The following SNTG1 variants were observed in gnomAD, a reference collection of about 807,000 sequenced individuals.
SNTG1 encodes syntrophin gamma 1.
A neutral mutation model predicts 74.7 loss-of-function variants in SNTG1; 39 were observed. The observed-to-expected ratio is 0.52, with a 90% confidence interval of 0.40 to 0.68. The LOEUF (loss-of-function observed/expected upper bound fraction) is 0.68. Among genes scored for constraint, SNTG1 ranks in the 30% least tolerant of loss-of-function variants. SNTG1 has a pLI of 0.00. For synonymous variants in SNTG1, 254 were observed against 217.1 expected (o/e 1.17, Z -1.49); for missense variants, 685 against 609.5 (o/e 1.12, Z -1.30).
At chr8:50,373,968 C>G (rs532751987) in intron 2 of SNTG1, among the ~76,000 whole-genome samples, 1 of 152,100 alleles carries the variant, frequency 6.6e-6, no homozygotes, top group Admixed American at 6.5e-5. Flanking sequence ...GATTCTAGTC[C>G]TGGGATCTCT....
intron 18 of SNTG1, among the ~76,000 whole-genome samples, chr8:50,752,919 T>C (rs142753667): frequency 1.3e-5 from 2 of 152,116 alleles, no homozygotes; most frequent in African/African-American, 2.4e-5. Context: ...TTTGTCTGAG[T>C]ATCTCTCGAG....
chr8:50,489,461 C>T (rs140442024), intron 8 of SNTG1, among the ~76,000 whole-genome samples: 11,565 of 152,198 alleles, frequency 0.076, 936 homozygotes, highest in African/African-American at 0.21. Flanking sequence ...TTTTAATGAT[C>T]GCCATTCTAA....
At chr8:50,603,503 C>A (rs143108401) in intron 13 of SNTG1, among the ~76,000 whole-genome samples, 107 of 152,224 alleles carry the variant, frequency 7.0e-4, no homozygotes, top group African/African-American at 2.3e-3. Context: ...TTCTCCAGGA[C>A]TTGTCCTTAG....
At chr8:50,258,237 T>C (rs2086978992) in intron 2 of SNTG1, among the ~76,000 whole-genome samples, 1 of 152,244 alleles carries the variant, frequency 6.6e-6, no homozygotes, top group African/African-American at 2.4e-5. Flanking sequence ...AGGATGCTAA[T>C]ACTGTATATT....
At chr8:50,222,749 T>G (rs1211614969) in intron 2 of SNTG1, among the ~76,000 whole-genome samples, 1 of 152,154 alleles carries the variant, frequency 6.6e-6, no homozygotes, top group African/African-American at 2.4e-5. Context: ...GGATTGCTTC[T>G]CAGCCTCACA....
At chr8:50,743,117 A>T (rs74735595) in intron 17 of SNTG1, among the ~76,000 whole-genome samples, 9 of 148,918 alleles carry the variant, frequency 6.0e-5, no homozygotes, top group Non-Finnish European at 1.3e-4. Context: ...AAAAAAAAAA[A>T]TTGAAGGAGT....
chr8:50,579,570 G>A (rs1414824259), intron 12 of SNTG1, among the ~76,000 whole-genome samples: 1 of 152,134 alleles, frequency 6.6e-6, no homozygotes, highest in African/African-American at 2.4e-5. Context: ...AGGCCCCCCT[G>A]CTATGTGCAT....
At chr8:49,949,013 A>C (rs1294829810) in intron 1 of SNTG1, among the ~76,000 whole-genome samples, 2 of 152,114 alleles carry the variant, frequency 1.3e-5, no homozygotes, top group Non-Finnish European at 2.9e-5. Context: ...ATCCTCACCC[A>C]CTGGATTTCA....
intron 1 of SNTG1, among the ~76,000 whole-genome samples, chr8:50,137,477 A>G (rs552240055): frequency 1.2e-3 from 187 of 152,322 alleles, no homozygotes; most frequent in South Asian, 2.7e-3. Context: ...AAACAAAACC[A>G]AGACTTTGCT....
At chr8:50,470,632 A>G (rs1446112431) in intron 8 of SNTG1, among the ~76,000 whole-genome samples, 1 of 151,888 alleles carries the variant, frequency 6.6e-6, no homozygotes, top group Non-Finnish European at 1.5e-5. Flanking sequence ...TGAGTGTTAC[A>G]GCTCTTAAAT....
At position 50,098,341 on chromosome 8, in the gene SNTG1, A is replaced by G. The variant is rs561204271; in HGVS notation, c.-102-74220A>G. Among the ~76,000 whole-genome samples the G allele has an allele frequency of 3.3e-5, 5 of 152,228 alleles. No individual in the cohort carries two copies. The South Asian group carries it at 6.2e-4, about 19-fold the overall frequency. ...AGTGGGCCCTTTGTATCGCTAGGTT[A>G]CTCATTTGTAGATTGAAAATATTGA... On this transcript the variant is annotated intron_variant, in intron 1 of 18. Transcript: ENST00000642720.
intron 2 of SNTG1, among the ~76,000 whole-genome samples, chr8:50,299,702 A>C (rs1214685183): frequency 6.6e-6 from 1 of 152,154 alleles, no homozygotes; most frequent in Non-Finnish European, 1.5e-5. Flanking sequence ...GGGATTTTAC[A>C]TTTTTGTACT....
chr8:50,698,238 A>G (rs1159762916), intron 15 of SNTG1, among the ~76,000 whole-genome samples: 1 of 152,166 alleles, frequency 6.6e-6, no homozygotes, highest in East Asian at 1.9e-4. Flanking sequence ...GTGAGCATAT[A>G]AGCATAAGGG....
chr8:50,502,496 A>G (rs1025362215), intron 8 of SNTG1, among the ~76,000 whole-genome samples: 1 of 152,338 alleles, frequency 6.6e-6, no homozygotes, highest in Non-Finnish European at 1.5e-5. Context: ...TTGATTCCTC[A>G]TATTGCCTAA....
chr8:50,063,995 A>G (rs1342980310), intron 1 of SNTG1, among the ~76,000 whole-genome samples: 1 of 152,202 alleles, frequency 6.6e-6, no homozygotes, highest in Non-Finnish European at 1.5e-5. Context: ...CAACTTACTA[A>G]TTGCATAACT....
intron 5 of SNTG1, among the ~76,000 whole-genome samples, chr8:50,444,992 T>C (rs2093393188): frequency 3.3e-5 from 5 of 152,206 alleles, no homozygotes; most frequent in Admixed American, 2.6e-4. Flanking sequence ...ATCACGGCAG[T>C]CAATTTTAGA....
intron 2 of SNTG1, among the ~76,000 whole-genome samples, chr8:50,187,619 A>G (rs1438089788): frequency 6.6e-6 from 1 of 152,154 alleles, no homozygotes; most frequent in Non-Finnish European, 1.5e-5. Context: ...ACATATATAA[A>G]CTCAGGATGC....
At chr8:50,689,384 T>A (rs2095367410) in intron 15 of SNTG1, among the ~76,000 whole-genome samples, 1 of 152,164 alleles carries the variant, frequency 6.6e-6, no homozygotes, top group Non-Finnish European at 1.5e-5. Context: ...GGCTGTGGGT[T>A]TGTCATAGAT....
At chr8:50,446,125 A>G (rs1000352112) in intron 5 of SNTG1, among the ~76,000 whole-genome samples, 3 of 152,170 alleles carry the variant, frequency 2.0e-5, no homozygotes, top group Non-Finnish European at 4.4e-5. Flanking sequence ...ATGGAAGCCT[A>G]TCACCTGTTT....
Sources: gnomAD v4.1 joint callset for allele counts (sites outside exome capture counted in the v4.1 genomes callset) on GRCh38, gnomAD v4.1.1 for gene constraint, MANE v1.5 for transcripts, NCBI Gene and HGNC (gene_info 2026-07-23, HGNC 2026-07-21) for gene names.